Variants in ARFGEF1 observed in about 807,000 individuals in gnomAD.
ARFGEF1 encodes brefeldin A-inhibited guanine nucleotide-exchange protein 1.
ARFGEF1 carries 42 observed loss-of-function variants against 231.0 expected under a neutral mutation model. The observed-to-expected ratio is 0.18, with a 90% CI of 0.14 to 0.24. The LOEUF (loss-of-function observed/expected upper bound fraction) is 0.24. Ranked by LOEUF, ARFGEF1 falls within the 10% of genes least tolerant of loss-of-function variation. The pLI is 1.00. For missense variants in ARFGEF1, 1,345 were observed against 2,192.0 expected (o/e 0.61, Z 7.72); for synonymous variants, 710 against 732.3 (o/e 0.97, Z 0.49).
intron 1 of ARFGEF1, among the ~76,000 whole-genome samples, chr8:67,321,676 G>A (rs1341344909): frequency 6.6e-6 from 1 of 151,972 alleles, no homozygotes; most frequent in Non-Finnish European, 1.5e-5. Flanking sequence ...TAGCCAAGAT[G>A]GTCTCGATCT....
chr8:67,291,951 T>A lies in ARFGEF1; in HGVS notation c.812A>T (p.Asp271Val). 6.2e-7 allele frequency: 1 copy of A among 1,614,010 alleles called. No individual in the cohort carries two copies. The highest frequency in any genetic ancestry group is 1.3e-5 in the African/African-American group (1 of 75,034). ...GTCATCCTGAAGACTTTTATCTACA[T>A]CATTTGTATGGAGGTCAAGGTCCCC... Reference protein sequence around the residue: ...HEGDLDLHTNDVDKSLQDDTE... With the variant: ...HEGDLDLHTNVVDKSLQDDTE... The change falls in exon 6 of 39, where the codon GAT (aspartate) becomes GTT (valine). Residue 271 changes from aspartate (D) to valine (V), a missense_variant. Transcript: ENST00000262215.
chr8:67,274,583 GAATA>G (rs1295269812), intron 9 of ARFGEF1, among the ~76,000 whole-genome samples: 1 of 151,782 alleles, frequency 6.6e-6, no homozygotes, highest in East Asian at 1.9e-4. Context: ...TTTTTTTCAG[GAATA>G]AATGAACATA....
At chr8:67,315,914 C>G (rs1807290521) in intron 1 of ARFGEF1, among the ~76,000 whole-genome samples, 1 of 150,260 alleles carries the variant, frequency 6.7e-6, no homozygotes, top group African/African-American at 2.5e-5. Context: ...CCTTAAGAAA[C>G]TAGGAAAAGC....
At chr8:67,302,775 C>T (rs1447749068) in intron 1 of ARFGEF1, among the ~76,000 whole-genome samples, 1 of 151,870 alleles carries the variant, frequency 6.6e-6, no homozygotes, top group Non-Finnish European at 1.5e-5. Flanking sequence ...TAAGCAGAAG[C>T]ATTAATATTA....
At chr8:67,274,466 A>C (rs1805230387) in intron 9 of ARFGEF1, among the ~76,000 whole-genome samples, 1 of 152,054 alleles carries the variant, frequency 6.6e-6, no homozygotes, top group Non-Finnish European at 1.5e-5. Context: ...AAAATTTCCT[A>C]ATATTTGGTT....
intron 7 of ARFGEF1, among the ~76,000 whole-genome samples, chr8:67,280,508 T>C (rs1805489694): frequency 6.6e-6 from 1 of 152,274 alleles, no homozygotes; most frequent in Admixed American, 6.5e-5. Flanking sequence ...AAGCCATTAC[T>C]GAATGATGCC....
intron 1 of ARFGEF1, among the ~76,000 whole-genome samples, chr8:67,320,823 G>A (rs1325893983): frequency 1.3e-5 from 2 of 151,922 alleles, no homozygotes; most frequent in African/African-American, 4.8e-5. Flanking sequence ...TTAGCCAGGC[G>A]TGGTGGCAGG....
chr8:67,181,201 T>A (rs1287543804), intron 5 of ARFGEF1, among the ~76,000 whole-genome samples: 2 of 151,794 alleles, frequency 1.3e-5, no homozygotes, highest in African/African-American at 4.8e-5. Flanking sequence ...GATACCTGGT[T>A]ATCTTTTTTA....
intron 19 of ARFGEF1, among the ~76,000 whole-genome samples, chr8:67,249,804 T>C (rs2128883933): frequency 6.6e-6 from 1 of 152,196 alleles, no homozygotes; most frequent in Non-Finnish European, 1.5e-5. Context: ...GTACTTTTAG[T>C]AGAGATGGGG....
In ARFGEF1 at chr8:67,343,476, C is replaced by T; in HGVS notation, c.-189G>A. The T allele has an allele frequency of 2.3e-6, 3 of 1,308,248 alleles. No individual in the cohort carries two copies. Among genetic ancestry groups the T allele is most frequent in the South Asian group, 2.1e-5 (1 of 47,730 alleles). The allele number at this position is 1,308,248 out of a possible 1,614,324, so 81.0% of individuals were successfully genotyped here. ...GACCAGCCGCGGTGTCGGCGAAGGG[C>T]GTCGAGGTCCTCGCCGCCCCCAAGA... is the stretch of plus-strand genomic sequence containing the variant. On this transcript the variant is annotated 5_prime_UTR_variant, in exon 1 of 39. Coordinates refer to ENST00000262215, the MANE Select transcript of ARFGEF1 (RefSeq NM_006421.5).
intron 23 of ARFGEF1, 43 bp downstream of exon 23, chr8:67,232,812 G>T: frequency 2.1e-6 from 3 of 1,453,114 alleles, no homozygotes; most frequent in Admixed American, 2.1e-5. Context: ...CTAAAGAACT[G>T]AAATAGTAAT....
In ARFGEF1 at chr8:67,268,312, T is replaced by C. The variant is rs554162080; in HGVS notation, c.1573-870A>G. Among the ~76,000 whole-genome samples the C allele has an allele frequency of 3.3e-5, 5 of 152,322 alleles. No homozygotes were observed. The East Asian group carries it at 7.7e-4, about 23-fold the overall frequency. On this transcript the variant is annotated intron_variant, in intron 10 of 38. Transcript: ENST00000262215. ...GCTTGAAGACAGTAATGACCAGGTC[T>C]TTCTTGATAAAGATCACGTCCATAT... is the stretch of plus-strand genomic sequence containing the variant.
intron 22 of ARFGEF1, among the ~76,000 whole-genome samples, chr8:67,237,364 T>C (rs1157918892): frequency 6.6e-6 from 1 of 152,236 alleles, no homozygotes; most frequent in African/African-American, 2.4e-5. Context: ...TTCAGTTGAT[T>C]ACCACTGGGA....
chr8:67,252,028 G>C (rs1840300821), intron 18 of ARFGEF1, among the ~76,000 whole-genome samples: 2 of 152,120 alleles, frequency 1.3e-5, no homozygotes. Context: ...CCAGCACTTT[G>C]GGAAGCCAAG....
rs1372245205 is a variant in ARFGEF1, at chr8:67,200,455, C to G, written c.5326G>C (p.Ala1776Pro). 6.2e-7 allele frequency: 1 copy of G among 1,606,920 alleles called. No individual in the cohort carries two copies. Among genetic ancestry groups the G allele is most frequent in the Admixed American group, 1.7e-5 (1 of 60,002 alleles). ...LTLTSESHRE[A>P]WTNLLLLFLT... The stretch of plus-strand genomic sequence containing the variant: ...AACAAAAGCAGTAAGTTAGTCCAGG[C>G]TTCTCGATGACTTTCTGATGTTAGA... Residue 1776 changes from alanine to proline, a missense_variant, in exon 38 of 39, where the codon GCC becomes CCC. Ala to Pro is a conservative substitution (Grantham distance 27). This residue lies in a region of ARFGEF1 where 161 missense variants were observed against 284.9 expected (regional missense o/e 0.57). Coordinates refer to ENST00000262215, the MANE Select transcript of ARFGEF1 (RefSeq NM_006421.5).
At chr8:67,340,091 T>C (rs1808556401) in intron 1 of ARFGEF1, among the ~76,000 whole-genome samples, 1 of 152,144 alleles carries the variant, frequency 6.6e-6, no homozygotes, top group South Asian at 2.1e-4. Context: ...CCATCTATAA[T>C]TGGCCATATG....
intron 5 of ARFGEF1, among the ~76,000 whole-genome samples, chr8:67,293,415 CTT>C (rs1806094281): frequency 6.6e-6 from 1 of 152,012 alleles, no homozygotes; most frequent in Non-Finnish European, 1.5e-5. Flanking sequence ...ACCAATAAAA[CTT>C]TGTTATTAAA....
chr8:67,261,940 C>G (rs1368713140), intron 14 of ARFGEF1, among the ~76,000 whole-genome samples: 4 of 150,842 alleles, frequency 2.7e-5, no homozygotes, highest in Non-Finnish European at 4.4e-5. Context: ...CAGGCATAAG[C>G]TACCATGCCA....
At chr8:67,249,790 T>C (rs1840219149) in intron 19 of ARFGEF1, among the ~76,000 whole-genome samples, 1 of 152,030 alleles carries the variant, frequency 6.6e-6, no homozygotes, top group Non-Finnish European at 1.5e-5. Context: ...CCTGGCTAAT[T>C]TTTGTACTTT....
Sources: gnomAD v4.1 joint callset for allele counts (sites outside exome capture counted in the v4.1 genomes callset) on GRCh38, gnomAD v4.1.1 for gene constraint, gnomAD v4.1.1 regional missense constraint, MANE v1.5 for transcripts, NCBI Gene and HGNC (gene_info 2026-07-23, HGNC 2026-07-21) for gene names.